NRAS: variants seen among roughly 807,000 people sequenced by gnomAD.
The protein encoded by NRAS is NRAS proto-oncogene, GTPase, also known as GTPase NRas.
NRAS carries 6 observed loss-of-function variants against 21.3 expected under a neutral mutation model. That is an observed-to-expected ratio of 0.28 (90% CI 0.15 to 0.56). The LOEUF (loss-of-function observed/expected upper bound fraction) is 0.56, where lower values mean the gene tolerates loss of function less well. NRAS is among the 20% of genes least tolerant of loss of function. The probability of loss-of-function intolerance (pLI) is 0.93; values close to 1 mark genes in which losing one functional copy is unlikely to be tolerated. For synonymous variants in NRAS, 84 were observed against 82.0 expected (o/e 1.02, Z -0.13); for missense variants, 143 against 231.3 (o/e 0.62, Z 2.48).
At chr1:114,713,221 G>C (rs1659082128) in intron 3 of NRAS, among the ~76,000 whole-genome samples, 1 of 152,012 alleles carries the variant, frequency 6.6e-6, no homozygotes, top group African/African-American at 2.4e-5. Flanking sequence ...CTGTTGATTA[G>C]GCTGGAGTGC....
In NRAS at chr1:114,709,625, C is replaced by T. The variant is rs1456325880; in HGVS notation, c.394G>A (p.Glu132Lys). 3 of 1,614,042 alleles carry T rather than the reference C, an allele frequency of 1.9e-6. No homozygotes were observed. Among genetic ancestry groups the T allele is most frequent in the Non-Finnish European group, 8.5e-7 (1 of 1,179,930 alleles). ...GGAATCCCGTAACTCTTGGCCAGTT[C>T]GTGGGCTTGTTTTGTATCAACTGTC... ...TRTVDTKQAH[E>K]LAKSYGIPFI... The change falls in exon 4 of 7, where the codon GAA (glutamate) becomes AAA (lysine). Residue 132 changes from glutamate to lysine, a missense_variant. Transcript: ENST00000369535.
intron 3 of NRAS, among the ~76,000 whole-genome samples, chr1:114,712,675 A>T (rs1474730177): frequency 1.3e-5 from 2 of 152,244 alleles, no homozygotes; most frequent in East Asian, 1.9e-4. Flanking sequence ...ATGGATAGAA[A>T]ATAAGCCAAG....
intron 3 of NRAS, among the ~76,000 whole-genome samples, chr1:114,711,618 ACAAAC>A (rs1263415613): frequency 9.1e-5 from 2 of 21,998 alleles, no homozygotes; most frequent in African/African-American, 4.2e-4. Context: ...AAAAAAAAAA[ACAAAC>A]AAACAAAAAA....
At position 114,712,693 on chromosome 1, in the gene NRAS, C is replaced by T. The variant is rs61758217; in HGVS notation, c.290+1107G>A. On this transcript the variant is annotated intron_variant, in intron 3 of 6. Coordinates refer to ENST00000369535, the MANE Select transcript of NRAS (RefSeq NM_002524.5). ...GATAGAAAATAAGCCAAGACTCAAG[C>T]CTTTAGGCAGAACACTTAAGTAGCA... Among the ~76,000 whole-genome samples the T allele has an allele frequency of 4.0e-3, 603 of 152,312 alleles. 5 individuals are homozygous for T. The highest frequency in any genetic ancestry group is 0.014 in the African/African-American group (581 of 41,564).
rs1177591876 is a variant in NRAS at position 114,706,964 on chromosome 1, A to G, written c.*1130T>C. 1 of 152,674 alleles carries G rather than the reference A, an allele frequency of 6.5e-6. No individual in the cohort carries two copies. The highest frequency in any genetic ancestry group is 2.4e-5 in the African/African-American group (1 of 41,444). 9.5% of individuals were successfully genotyped at this position (152,674 alleles called of 1,614,324 possible). ...ATACCATGATATACAGTGAAAATGT[A>G]ATTTGTTAATATACTATATTTGAGG... On this transcript the variant is annotated 3_prime_UTR_variant, in exon 7 of 7. Coordinates refer to ENST00000369535, the MANE Select transcript of NRAS (RefSeq NM_002524.5).
intron 3 of NRAS, among the ~76,000 whole-genome samples, chr1:114,711,340 G>A (rs540433166): frequency 6.6e-6 from 1 of 152,108 alleles, no homozygotes; most frequent in South Asian, 2.1e-4. Context: ...GTTCACACCT[G>A]TAATCCCAGC....
At chr1:114,711,374 G>C (rs1024396970) in intron 3 of NRAS, among the ~76,000 whole-genome samples, 6 of 151,984 alleles carry the variant, frequency 3.9e-5, no homozygotes, top group Non-Finnish European at 7.4e-5. Context: ...GAGGCGGGTG[G>C]ATCACCTGAG....
chr1:114,715,955 TTCTC>T, intron 2 of NRAS, 91 bp downstream of exon 2: 1 of 837,270 alleles, frequency 1.2e-6, no homozygotes, highest in Non-Finnish European at 2.1e-6. Context: ...ACTTTTTACT[TTCTC>T]TCCTCTTATT....
intron 2 of NRAS, 36 bp from the exon 3 acceptor site, chr1:114,714,014 G>T: frequency 4.7e-6 from 5 of 1,061,812 alleles, no homozygotes; most frequent in East Asian, 2.6e-5. Flanking sequence ...AGGGAGGGAG[G>T]GAAGTTCAAT....
chr1:114,708,845 G>C (rs1658974703), intron 4 of NRAS, among the ~76,000 whole-genome samples, 191 bp from the exon 5 acceptor site: 1 of 152,142 alleles, frequency 6.6e-6, no homozygotes, highest in Non-Finnish European at 1.5e-5. Context: ...TGAATCACAA[G>C]AACAGGCTGA....
At chr1:114,708,462 A>G in intron 5 of NRAS, 69 bp downstream of exon 5, 1 of 1,398,592 alleles carries the variant, frequency 7.2e-7, no homozygotes, top group Non-Finnish European at 1.0e-6. Context: ...CAATAACACC[A>G]GCACTCCTCC....
In NRAS at chr1:114,706,289, C is replaced by G. The variant is rs1658919688; in HGVS notation, c.*1805G>C. The G allele has an allele frequency of 6.6e-6, 1 of 152,130 alleles. No homozygotes were observed. The highest frequency in any genetic ancestry group is 2.4e-5 in the African/African-American group (1 of 41,426). The allele number at this position is 152,130 out of a possible 1,614,324, so 9.4% of individuals were successfully genotyped here. A position where few individuals can be genotyped will look rare whatever the true frequency, so the allele number is the denominator to read the frequency against. ...TCAGTAAGTATTTAGATATTAAAGA[C>G]AGGAACAAAGTGGCCATTTTGGAAT... On this transcript the variant is annotated 3_prime_UTR_variant, in exon 7 of 7. Transcript: ENST00000369535.
chr1:114,710,226 T>C (rs1265907356), intron 3 of NRAS, among the ~76,000 whole-genome samples: 2 of 38,806 alleles, frequency 5.2e-5, no homozygotes, highest in Non-Finnish European at 7.5e-5. Context: ...ATAAAATATA[T>C]AAAAATAAAT....
At chr1:114,711,589 G>C (rs1361796880) in intron 3 of NRAS, among the ~76,000 whole-genome samples, 2 of 132,118 alleles carry the variant, frequency 1.5e-5, no homozygotes, top group African/African-American at 6.1e-5. Flanking sequence ...TGGGCAACCA[G>C]AGCAAAACTC....
In NRAS at chr1:114,715,344, C is replaced by A. The variant is rs537806825; in HGVS notation, c.111+706G>T. Among the ~76,000 whole-genome samples the A allele has an allele frequency of 1.3e-3, 198 of 152,222 alleles. 1 individual carries two copies. The highest frequency in any genetic ancestry group is 4.6e-3 in the African/African-American group (190 of 41,532). Reference sequence around the variant, plus strand: ...CCGGCAAAACCCTTTATTTAAAGAGCCTTAGGTGCCACTTACTGAAGACAA... The same window carrying A: ...CCGGCAAAACCCTTTATTTAAAGAGACTTAGGTGCCACTTACTGAAGACAA... On this transcript the variant is annotated intron_variant, in intron 2 of 6. Coordinates refer to ENST00000369535, the MANE Select transcript of NRAS (RefSeq NM_002524.5).
intron 3 of NRAS, among the ~76,000 whole-genome samples, chr1:114,711,563 C>T (rs1046121990): frequency 1.3e-5 from 2 of 148,668 alleles, no homozygotes; most frequent in African/African-American, 2.5e-5. Context: ...ATCGCACCAC[C>T]GTACTCCATC....
At chr1:114,714,216 G>A (rs916566818) in intron 2 of NRAS, among the ~76,000 whole-genome samples, 12 of 152,132 alleles carry the variant, frequency 7.9e-5, no homozygotes, top group African/African-American at 2.7e-4. Flanking sequence ...AAAGAAATAT[G>A]GTCACTGTGT....
At chr1:114,708,772 G>A (rs1043134267) in intron 4 of NRAS, 118 bp from the exon 5 acceptor site, 3 of 853,470 alleles carry the variant, frequency 3.5e-6, no homozygotes, top group Non-Finnish European at 5.6e-6. Context: ...ATTACTAAAC[G>A]AATAGCTGAT....
At chr1:114,715,761 T>C (rs922459463) in intron 2 of NRAS, among the ~76,000 whole-genome samples, 4 of 152,224 alleles carry the variant, frequency 2.6e-5, no homozygotes, top group African/African-American at 9.6e-5. Flanking sequence ...ATGGCCTGTG[T>C]TTCTCATGTA....
Sources: gnomAD v4.1 joint callset for allele counts (sites outside exome capture counted in the v4.1 genomes callset) on GRCh38, gnomAD v4.1.1 for gene constraint, MANE v1.5 for transcripts, NCBI Gene and HGNC (gene_info 2026-07-23, HGNC 2026-07-21) for gene names.